The following PRELID2 variants were observed in gnomAD, a reference collection of about 807,000 sequenced individuals.
The protein encoded by PRELID2 is PRELI domain containing 2.
Under a neutral mutation model 28.4 loss-of-function variants are expected in PRELID2, and 25 were observed. The observed-to-expected ratio is 0.88, with a 90% CI of 0.64 to 1.23. The LOEUF (loss-of-function observed/expected upper bound fraction) is 1.23, where lower values mean the gene tolerates loss of function less well. PRELID2 is among the 50% of genes most tolerant of loss of function. PRELID2 has a pLI of 0.00. For missense variants in PRELID2, 201 were observed against 214.4 expected (o/e 0.94, Z 0.39); for synonymous variants, 76 against 71.6 (o/e 1.06, Z -0.31).
At chr5:145,341,992 T>A in the PRELID2 span, among the ~76,000 whole-genome samples, 4 of 152,060 alleles carry the variant, frequency 2.6e-5, no homozygotes, top group African/African-American at 9.7e-5. Context: ...AAAGAGTGAA[T>A]CCTAAAAACA....
chr5:145,399,957 C>T, the PRELID2 span, among the ~76,000 whole-genome samples: 2 of 152,134 alleles, frequency 1.3e-5, no homozygotes, highest in Non-Finnish European at 2.9e-5. Context: ...ACCTCCCACT[C>T]GGTACCTCCG....
chr5:145,392,289 T>C, the PRELID2 span, among the ~76,000 whole-genome samples: 1 of 134,066 alleles, frequency 7.5e-6, no homozygotes, highest in African/African-American at 2.7e-5. Flanking sequence ...GAAGCAAACA[T>C]GTCTTCTTCA....
At chr5:145,255,374 C>T in the PRELID2 span, among the ~76,000 whole-genome samples, 1 of 151,624 alleles carries the variant, frequency 6.6e-6, no homozygotes, top group Non-Finnish European at 1.5e-5. Context: ...TAAAACTATA[C>T]TAAAAAGAAA....
At chr5:145,740,843 TAA>T (rs1173355938) in intron 1 of PRELID2, among the ~76,000 whole-genome samples, 76 of 111,078 alleles carry the variant, frequency 6.8e-4, no homozygotes, top group Admixed American at 3.2e-3. Flanking sequence ...TATTTATCGA[TAA>T]ATATATATGT....
At chr5:145,794,568 AT>A (rs559828646) in intron 5 of PRELID2, among the ~76,000 whole-genome samples, 240 of 152,238 alleles carry the variant, frequency 1.6e-3, no homozygotes, top group Non-Finnish European at 2.6e-3. Flanking sequence ...GAAGAAACAC[AT>A]TTAGCCCACA....
At position 145,823,073 on chromosome 5, in the gene PRELID2, T is replaced by C. The variant is rs973187485; in HGVS notation, c.133+4A>G. On this transcript the variant is annotated splice_donor_region_variant and intron_variant, in intron 2 of 6. Coordinates refer to ENST00000683046, the MANE Select transcript of PRELID2 (RefSeq NM_205846.3). Reference sequence around the variant, plus strand: ...TTACTGAAAAAACTGTACAGAGAACTTACCTCTTTTTTCCTCCATGATTTT... The same window carrying C: ...TTACTGAAAAAACTGTACAGAGAACCTACCTCTTTTTTCCTCCATGATTTT... The C allele has an allele frequency of 6.7e-7, 1 of 1,482,226 alleles. No homozygotes were observed. Among genetic ancestry groups the C allele is most frequent in the Non-Finnish European group, 9.4e-7 (1 of 1,060,246 alleles). 91.8% of individuals were successfully genotyped at this position (1,482,226 alleles called of 1,614,324 possible). A position where few individuals can be genotyped will look rare whatever the true frequency, so the allele number is the denominator to read the frequency against.
chr5:145,240,085 C>T, the PRELID2 span, among the ~76,000 whole-genome samples: 1 of 151,914 alleles, frequency 6.6e-6, no homozygotes, highest in Non-Finnish European at 1.5e-5. Context: ...GATGAATGAG[C>T]ATATGATAAT....
At chr5:145,477,582 C>T (rs944736699) in intron 1 of PRELID2, among the ~76,000 whole-genome samples, 1 of 152,130 alleles carries the variant, frequency 6.6e-6, no homozygotes, top group Non-Finnish European at 1.5e-5. Flanking sequence ...TGGCTAGCCA[C>T]ACCTGGACAA....
chr5:145,745,739 T>A (rs1432623106), intron 1 of PRELID2, among the ~76,000 whole-genome samples: 2 of 151,986 alleles, frequency 1.3e-5, no homozygotes, highest in Non-Finnish European at 2.9e-5. Flanking sequence ...GGTGGGCACC[T>A]ATAATCCCAG....
intron 1 of PRELID2, among the ~76,000 whole-genome samples, chr5:145,685,892 A>C (rs899369190): frequency 6.6e-6 from 1 of 152,064 alleles, no homozygotes; most frequent in African/African-American, 2.4e-5. Flanking sequence ...TTCTGTGAGG[A>C]ATCTCCTCCA....
chr5:145,747,960 C>T (rs372941704), intron 1 of PRELID2, among the ~76,000 whole-genome samples: 2 of 152,108 alleles, frequency 1.3e-5, no homozygotes, highest in Admixed American at 6.6e-5. Context: ...ATTCAACATC[C>T]CTTCATGTTA....
At chr5:145,453,641 T>C in the PRELID2 span, among the ~76,000 whole-genome samples, 4 of 152,184 alleles carry the variant, frequency 2.6e-5, no homozygotes, top group South Asian at 8.3e-4. Context: ...CAGGCCCCAG[T>C]GTGTGATGTT....
At chr5:145,768,844 C>G (rs765568321) in intron 5 of PRELID2, among the ~76,000 whole-genome samples, 12 of 151,872 alleles carry the variant, frequency 7.9e-5, no homozygotes, top group Non-Finnish European at 1.3e-4. Context: ...TTTTCCCCCC[C>G]TCTCATACCA....
intron 5 of PRELID2, among the ~76,000 whole-genome samples, chr5:145,774,241 C>T (rs751130979): frequency 6.6e-6 from 1 of 152,140 alleles, no homozygotes; most frequent in African/African-American, 2.4e-5. Flanking sequence ...AACTCAGCCT[C>T]GGAGAGGTAA....
intron 1 of PRELID2, among the ~76,000 whole-genome samples, chr5:145,556,177 C>CAAAAAAAAA (rs1231402100): frequency 4.9e-5 from 3 of 61,192 alleles, no homozygotes; most frequent in Non-Finnish European, 7.2e-5. Context: ...GACTCTATCT[C>CAAAAAAAAA]AAAAAAAAAA....
chr5:145,336,826 A>G, the PRELID2 span, among the ~76,000 whole-genome samples: 1 of 151,776 alleles, frequency 6.6e-6, no homozygotes, highest in South Asian at 2.1e-4. Context: ...CATGGATGAA[A>G]TTGGAAATCA....
chr5:145,278,750 C>A, the PRELID2 span, among the ~76,000 whole-genome samples: 1 of 152,118 alleles, frequency 6.6e-6, no homozygotes, highest in Non-Finnish European at 1.5e-5. Flanking sequence ...TCATGGAGGT[C>A]ACCTTAGAAC....
At chr5:145,338,362 T>G in the PRELID2 span, 1 of 152,182 alleles carries the variant, frequency 6.6e-6, no homozygotes. Flanking sequence ...TGTAGAGCCA[T>G]TATATTTTTA....
At chr5:145,318,691 C>A in the PRELID2 span, among the ~76,000 whole-genome samples, 11 of 152,190 alleles carry the variant, frequency 7.2e-5, no homozygotes. Context: ...GCTCCAGCCC[C>A]ATGGTAGTGT....
Sources: allele counts gnomAD v4.1 joint callset (sites outside exome capture counted in the v4.1 genomes callset), GRCh38; gene constraint gnomAD v4.1.1; transcripts MANE v1.5; gene names NCBI Gene and HGNC (gene_info 2026-07-23, HGNC 2026-07-21).